The following HTRA3 variants were observed in gnomAD, a reference collection of about 807,000 sequenced individuals.
HTRA3 encodes the protein HtrA serine peptidase 3, also known as serine protease HTRA3.
A neutral mutation model predicts 43.2 loss-of-function variants in HTRA3; 41 were observed. That is an observed-to-expected ratio of 0.95 (90% CI 0.74 to 1.23). The LOEUF (loss-of-function observed/expected upper bound fraction) is 1.23, where lower values mean the gene tolerates loss of function less well. Ranked by LOEUF, HTRA3 falls within the 50% of genes most tolerant of loss-of-function variation. The probability of loss-of-function intolerance (pLI) is 0.00; values close to 1 mark genes in which losing one functional copy is unlikely to be tolerated. For synonymous variants in HTRA3, 295 were observed against 287.9 expected (o/e 1.02, Z -0.25); for missense variants, 628 against 647.1 (o/e 0.97, Z 0.32).
intron 1 of HTRA3, among the ~76,000 whole-genome samples, chr4:8,280,118 AG>A (rs1712684407): frequency 1.3e-5 from 2 of 152,106 alleles, no homozygotes; most frequent in Non-Finnish European, 2.9e-5. Context: ...GGAGGTGTAG[AG>A]AGGTGGATGA....
chr4:8,273,819 G>A (rs954399124), intron 1 of HTRA3, among the ~76,000 whole-genome samples: 2 of 148,972 alleles, frequency 1.3e-5, no homozygotes, highest in African/African-American at 5.2e-5. Flanking sequence ...TGGTGTGGGG[G>A]TACCTTTCCT....
intron 8 of HTRA3, among the ~76,000 whole-genome samples, chr4:8,305,107 C>T (rs1167100966): frequency 6.6e-6 from 1 of 152,170 alleles, no homozygotes; most frequent in African/African-American, 2.4e-5. Flanking sequence ...GAACCAGTTG[C>T]CTCCCCTCCT....
At chr4:8,276,161 G>A (rs1712515909) in intron 1 of HTRA3, among the ~76,000 whole-genome samples, 2 of 152,236 alleles carry the variant, frequency 1.3e-5, no homozygotes, top group Admixed American at 1.3e-4. Context: ...CACATAATGG[G>A]CAGAGCACCA....
At position 8,295,730 on chromosome 4, in the gene HTRA3, T is replaced by C; in HGVS notation, c.1051+1529T>C. 7.4e-7 allele frequency: 1 copy of C among 1,356,874 alleles called. No homozygotes were observed. The highest frequency in any genetic ancestry group is 9.5e-7 in the Non-Finnish European group (1 of 1,051,746). 84.1% of individuals were successfully genotyped at this position (1,356,874 alleles called of 1,614,324 possible). On this transcript the variant is annotated intron_variant, in intron 6 of 8. Transcript: ENST00000307358. This position sits in a 1 kb window ranked among gnomAD's most constrained non-coding sequence, Gnocchi z 6.9. The stretch of plus-strand genomic sequence containing the variant: ...GGCAGTTCATTGAGAGCAGGGGGCT[T>C]CCTCACGTTTCCCCCTCCTCCATGA...
At position 8,270,754 on chromosome 4, in the gene HTRA3, C is replaced by G. The variant is rs180862680; in HGVS notation, c.385+401C>G. On this transcript the variant is annotated intron_variant, in intron 1 of 8. Coordinates refer to ENST00000307358, the MANE Select transcript of HTRA3 (RefSeq NM_053044.5). ...AGCCGGGGTGCCCTCTTGGGTGATG[C>G]CTTCTTTCCTGGAGACTGTGGTTAA... 1.5e-3 allele frequency among the ~76,000 whole-genome samples: 223 copies of G among 152,278 alleles called. 1 individual carries two copies. The highest frequency in any genetic ancestry group is 5.1e-3 in the African/African-American group (214 of 41,558).
Position 8,306,127 on chromosome 4 carries a change from G to T in HTRA3, c.1353G>T (p.Val451=). 3.2e-6 allele frequency: 5 copies of T among 1,579,438 alleles called. No homozygotes were observed. The highest frequency in any genetic ancestry group is 3.5e-6 in the Non-Finnish European group (4 of 1,158,328). The change falls in exon 9 of 9, where the codon GTG becomes GTT. Residue 451 remains valine, a synonymous_variant. Coordinates refer to ENST00000307358, the MANE Select transcript of HTRA3 (RefSeq NM_053044.5). The surrounding 1 kb of genome is among the most constrained non-coding windows in gnomAD (Gnocchi z 8.9). ...TCCTCTTCAGCATCGCACCTGAGGT[G>T]GTCATGTGAGGGGCGCATTCCTCCA... ...DDLLFSIAPE[V]VM is the part of the protein sequence containing the mutation.
rs1481753334 is a variant in HTRA3 at position 8,279,781 on chromosome 4, G to A, written c.386-2656G>A. On this transcript the variant is annotated intron_variant, in intron 1 of 8. Coordinates refer to ENST00000307358, the MANE Select transcript of HTRA3 (RefSeq NM_053044.5). The surrounding 1 kb of genome is among the most constrained non-coding windows in gnomAD (Gnocchi z 7.4). The stretch of plus-strand genomic sequence containing the variant: ...CCATGTGCTGTGCCCCTGCCCGTGG[G>A]CTCTTCCAGGCCTGGGTCAGGGCAC... Among the ~76,000 whole-genome samples, 3 of 152,166 alleles carry A rather than the reference G, an allele frequency of 2.0e-5. No individual in the cohort carries two copies. Among genetic ancestry groups the A allele is most frequent in the Non-Finnish European group, 4.4e-5 (3 of 68,012 alleles).
intron 7 of HTRA3, 90 bp from the exon 8 acceptor site, chr4:8,304,094 G>T: frequency 9.7e-7 from 1 of 1,026,180 alleles, no homozygotes; most frequent in South Asian, 1.4e-5. Flanking sequence ...TCCTCTTCTG[G>T]TCTGGTGCTG....
rs537004181 is a variant in HTRA3 at position 8,291,408 on chromosome 4, C to T, written c.747C>T (p.Asp249=). 4 of 1,613,546 alleles carry T rather than the reference C, an allele frequency of 2.5e-6. No homozygotes were observed. In the South Asian group the frequency reaches 3.3e-5, roughly 13 times the overall value. The change falls in exon 4 of 9, where the codon GAC becomes GAT. Residue 249 remains aspartate (D), a synonymous_variant. Transcript: ENST00000307358. ...LPVLLLGHSA[D]LRPGEFVVAI... ...TGTTGTTGCTGGGTCACTCGGCCGACCTGCGGCCTGGGGAGTTTGTGGTGG... is the reference window on the plus strand; with the variant it reads ...TGTTGTTGCTGGGTCACTCGGCCGATCTGCGGCCTGGGGAGTTTGTGGTGG...
At chr4:8,300,801 ACT>A (rs767960388) in intron 6 of HTRA3, among the ~76,000 whole-genome samples, 12 of 151,622 alleles carry the variant, frequency 7.9e-5, no homozygotes, top group African/African-American at 2.4e-4. Flanking sequence ...ATTGATTCAC[ACT>A]CTCAGCTTTA....
At position 8,295,449 on chromosome 4, in the gene HTRA3, A is replaced by G. The variant is rs1713421860; in HGVS notation, c.1051+1248A>G. 6.6e-6 allele frequency among the ~76,000 whole-genome samples: 1 copy of G among 152,030 alleles called. No homozygotes were observed. The highest frequency in any genetic ancestry group is 1.5e-5 in the Non-Finnish European group (1 of 68,002). On this transcript the variant is annotated intron_variant, in intron 6 of 8. Transcript: ENST00000307358. This position sits in a 1 kb window ranked among gnomAD's most constrained non-coding sequence, Gnocchi z 6.9. ...CTGGGAGAGGCCTCGCCAGGGCACT[A>G]GGCAACTCTCCCAAGTGAGAGCATG...
intron 5 of HTRA3, among the ~76,000 whole-genome samples, chr4:8,293,584 C>A (rs1713325363): frequency 6.6e-6 from 1 of 152,046 alleles, no homozygotes. Context: ...TCAGATCCTG[C>A]CCAAGTGGTA....
chr4:8,304,534 A>G lies in HTRA3; in HGVS notation c.1196+255A>G, dbSNP rs538297812. On this transcript the variant is annotated intron_variant, in intron 8 of 8. Coordinates refer to ENST00000307358, the MANE Select transcript of HTRA3 (RefSeq NM_053044.5). ...GAGGCTGAAGAGTCCCTGTTGGGCT[A>G]AGAACCCACTCCAAGCCAGACTCTT... Among the ~76,000 whole-genome samples the G allele has an allele frequency of 3.9e-5, 6 of 152,126 alleles. No homozygotes were observed. The South Asian group carries it at 1.2e-3, about 32-fold the overall frequency.
At chr4:8,276,017 G>A (rs984969133) in intron 1 of HTRA3, among the ~76,000 whole-genome samples, 2 of 152,222 alleles carry the variant, frequency 1.3e-5, no homozygotes, top group Admixed American at 1.3e-4. Context: ...TGTCCTTGGT[G>A]CAGCAAAGAT....
rs570971945 is a variant in HTRA3 at position 8,286,270 on chromosome 4, C to G, written c.486-291C>G. On this transcript the variant is annotated intron_variant, in intron 2 of 8. Coordinates refer to ENST00000307358, the MANE Select transcript of HTRA3 (RefSeq NM_053044.5). This position sits in a 1 kb window ranked among gnomAD's most constrained non-coding sequence, Gnocchi z 4.9. ...GCTCCGTGCTCCGTAGTCAGGATGG[C>G]GAGTGCAAGCTGGGAGTCATCTGAC... is the stretch of plus-strand genomic sequence containing the variant. Among the ~76,000 whole-genome samples the G allele has an allele frequency of 1.3e-5, 2 of 152,130 alleles. No homozygotes were observed. The highest frequency in any genetic ancestry group is 2.9e-5 in the Non-Finnish European group (2 of 68,016).
At chr4:8,302,535 C>T (rs2153007289) in intron 7 of HTRA3, 24 bp downstream of exon 7, 1 of 1,610,026 alleles carries the variant, frequency 6.2e-7, no homozygotes, top group Non-Finnish European at 8.5e-7. Flanking sequence ...GAGTGCCATC[C>T]CCTGCTACCC....
rs535703616 is a variant in HTRA3 at position 8,299,478 on chromosome 4, T to TC, written c.1052-2985_1052-2984insC. Among the ~76,000 whole-genome samples the TC allele has an allele frequency of 4.3e-3, 662 of 152,318 alleles. 3 individuals carry two copies. The highest frequency in any genetic ancestry group is 0.015 in the African/African-American group (632 of 41,564). ...TCCTTTCCAATCTGAATGCCTTTTT[T>TC]TTTTCTTGCCTGGCTAGAACTTCCA... On this transcript the variant is annotated intron_variant, in intron 6 of 8. Transcript: ENST00000307358.
intron 1 of HTRA3, among the ~76,000 whole-genome samples, chr4:8,273,488 G>A (rs911427405): frequency 7.9e-5 from 12 of 151,912 alleles, no homozygotes; most frequent in Non-Finnish European, 1.5e-4. Flanking sequence ...CACCCTCTAG[G>A]CAGGAAGGTC....
intron 6 of HTRA3, among the ~76,000 whole-genome samples, chr4:8,302,048 G>A (rs1161275671): frequency 6.6e-6 from 1 of 152,156 alleles, no homozygotes; most frequent in African/African-American, 2.4e-5. Flanking sequence ...TTAGCAGCGA[G>A]TATCGTTTTG....
Sources: allele counts gnomAD v4.1 joint callset (sites outside exome capture counted in the v4.1 genomes callset), GRCh38; gene constraint gnomAD v4.1.1; non-coding constraint Gnocchi (gnomAD v3.1); transcripts MANE v1.5; gene names NCBI Gene and HGNC (gene_info 2026-07-23, HGNC 2026-07-21).